The following NARF variants were observed in gnomAD, a reference collection of about 807,000 sequenced individuals.
NARF encodes nuclear prelamin A recognition factor.
A neutral mutation model predicts 48.0 loss-of-function variants in NARF; 41 were observed. The ratio of observed to expected loss-of-function variants is 0.85; its 90% CI spans 0.66 to 1.11. NARF has a LOEUF of 1.11. Among genes scored for constraint, NARF ranks in the 50% least tolerant of loss-of-function variants. The pLI, the probability that NARF is intolerant of heterozygous loss-of-function variation, is 0.00. For missense variants in NARF, 613 were observed against 590.2 expected, an observed-to-expected ratio of 1.04 and a Z score of -0.40; for synonymous variants, 215 against 225.5, an observed-to-expected ratio of 0.95 and a Z score of 0.42.
intron 5 of NARF, among the ~76,000 whole-genome samples, chr17:82,475,667 G>A (rs1309498865): frequency 1.3e-5 from 2 of 152,224 alleles, no homozygotes; most frequent in East Asian, 3.9e-4. Context: ...CCTGCAGCCA[G>A]TGGCTGGAGA....
intron 1 of NARF, chr17:82,459,308 G>A (rs1214044423): frequency 6.5e-6 from 3 of 462,684 alleles, no homozygotes; most frequent in African/African-American, 2.1e-5. Flanking sequence ...CACGCAGGGG[G>A]GTTTTGTAGC....
rs566438518 is a variant in NARF at position 82,489,207 on chromosome 17, C to G, written c.*1050C>G. On this transcript the variant is annotated 3_prime_UTR_variant, in exon 11 of 11. Coordinates refer to ENST00000309794, the MANE Select transcript of NARF (RefSeq NM_012336.4). ...GACCATACTCGGCCCTGGGCCATTC[C>G]TCACAGCCAGTCACCACCCTCCTCC... 92 of 169,592 alleles carry G rather than the reference C, an allele frequency of 5.4e-4. No individual in the cohort carries two copies. The highest frequency in any genetic ancestry group is 2.2e-3 in the African/African-American group (89 of 41,348). The allele number at this position is 169,592 out of a possible 1,614,324, so 10.5% of individuals were successfully genotyped here.
At chr17:82,482,781 CAGTG>C (rs2044002473) in intron 7 of NARF, 1 of 152,058 alleles carries the variant, frequency 6.6e-6, no homozygotes, top group East Asian at 2.0e-4. Flanking sequence ...CTGGGCAACA[CAGTG>C]AGACCTCGTC....
chr17:82,476,338 C>T (rs1487887784), intron 5 of NARF, among the ~76,000 whole-genome samples: 1 of 151,716 alleles, frequency 6.6e-6, no homozygotes, highest in East Asian at 1.9e-4. Flanking sequence ...GACGGGGTTG[C>T]ACCATGTTGG....
At chr17:82,469,360 G>A (rs1045071876) in intron 4 of NARF, among the ~76,000 whole-genome samples, 1 of 152,196 alleles carries the variant, frequency 6.6e-6, no homozygotes, top group African/African-American at 2.4e-5. Context: ...GGAATGAAAG[G>A]TAGAAATTTA....
chr17:82,472,917 GT>G (rs1278988697), intron 5 of NARF, among the ~76,000 whole-genome samples: 1 of 151,900 alleles, frequency 6.6e-6, no homozygotes, highest in African/African-American at 2.4e-5. Context: ...GGCCAGTATG[GT>G]TATTTATTTA....
At chr17:82,483,656 G>T in intron 7 of NARF, 60 bp from the exon 8 acceptor site, 1 of 1,525,312 alleles carries the variant, frequency 6.6e-7, no homozygotes. Context: ...CTCCTGCAGG[G>T]GAAGAAAAGT....
chr17:82,485,918 A>T (rs2044085497), intron 10 of NARF, among the ~76,000 whole-genome samples: 1 of 152,194 alleles, frequency 6.6e-6, no homozygotes, highest in South Asian at 2.1e-4. Flanking sequence ...ACCAGGTGAG[A>T]GTCAGCCCGT....
At chr17:82,458,940 A>G (rs2043357262) in intron 1 of NARF, 110 bp downstream of exon 1, 1 of 1,230,764 alleles carries the variant, frequency 8.1e-7, no homozygotes, top group East Asian at 3.2e-5. Context: ...GGGCTCTTCA[A>G]GGCGCCCCCG....
In NARF at chr17:82,460,025, G is replaced by A. The variant is rs142922828; in HGVS notation, c.61G>A (p.Glu21Lys). 20 of 1,613,940 alleles carry A rather than the reference G, an allele frequency of 1.2e-5. No homozygotes were observed. In the African/African-American group the frequency reaches 2.4e-4, roughly 19 times the overall value. Residue 21 changes from glutamate (E) to lysine (K), a missense_variant, in exon 2 of 11, where the codon GAG (glutamate) becomes AAG (lysine). Coordinates refer to ENST00000309794, the MANE Select transcript of NARF (RefSeq NM_012336.4). Reference sequence around the variant, plus strand: ...TAAGAAAACAAAAACTGATGACCAAGAGAATGTGTCAGCCGATGCACCGAG... The same window carrying A: ...TAAGAAAACAAAAACTGATGACCAAAAGAATGTGTCAGCCGATGCACCGAG... ...CSKKTKTDDQENVSADAPSPA... is the reference protein window; with the variant it reads ...CSKKTKTDDQKNVSADAPSPA...
intron 2 of NARF, among the ~76,000 whole-genome samples, chr17:82,461,818 C>T (rs1006511196): frequency 6.6e-6 from 1 of 152,142 alleles, no homozygotes; most frequent in Non-Finnish European, 1.5e-5. Flanking sequence ...TTTAGTAGTC[C>T]TGACATGTTT....
chr17:82,484,746 G>C, intron 8 of NARF, 67 bp from the exon 9 acceptor site: 1 of 1,501,780 alleles, frequency 6.7e-7, no homozygotes. Context: ...CAGGAAGTCT[G>C]GTTTCACTCT....
intron 3 of NARF, 61 bp downstream of exon 3, chr17:82,464,491 G>T (rs2043514222): frequency 6.4e-7 from 1 of 1,552,594 alleles, no homozygotes; most frequent in South Asian, 1.2e-5. Context: ...TGGAGGTGAG[G>T]CCTGGCTTCC....
intron 8 of NARF, 21 bp downstream of exon 8, chr17:82,483,800 G>T: frequency 2.5e-6 from 4 of 1,611,960 alleles, no homozygotes; most frequent in Non-Finnish European, 3.4e-6. Flanking sequence ...TCTCTGGGGA[G>T]AGTCCTCTGG....
rs781158071 is a variant in NARF at position 82,483,768 on chromosome 17, C to G, written c.822C>G (p.Ala274=). 2 of 1,613,650 alleles carry G rather than the reference C, an allele frequency of 1.2e-6. No individual in the cohort carries two copies. The highest frequency in any genetic ancestry group is 2.2e-5 in the South Asian group (2 of 91,064). Residue 274 remains alanine (A), a synonymous_variant, in exon 8 of 11, where the codon GCC becomes GCG. Coordinates refer to ENST00000309794, the MANE Select transcript of NARF (RefSeq NM_012336.4). ...EQGDLSVRDA[A]VDTLFGDLKE... ...GTGACCTCTCAGTGAGAGATGCTGC[C>G]GTCGACACTCTGTAAGTGGCTTCTC...
intron 5 of NARF, among the ~76,000 whole-genome samples, chr17:82,475,553 C>T (rs1599840359): frequency 6.6e-6 from 1 of 152,188 alleles, no homozygotes; most frequent in Non-Finnish European, 1.5e-5. Flanking sequence ...GCCGTGATTG[C>T]ACCACCGCAC....
intron 2 of NARF, among the ~76,000 whole-genome samples, chr17:82,462,100 G>A (rs1243517916): frequency 2.0e-5 from 3 of 152,320 alleles, no homozygotes; most frequent in Non-Finnish European, 4.4e-5. Context: ...GGGGAGTAGG[G>A]TTACCTCCCT....
At chr17:82,487,544 C>G (rs2044122814) in intron 10 of NARF, among the ~76,000 whole-genome samples, 3 of 152,144 alleles carry the variant, frequency 2.0e-5, no homozygotes, top group Admixed American at 2.0e-4. Context: ...ATCAGTGTCC[C>G]TGACAGCCTT....
chr17:82,460,748 A>G (rs1239886945), intron 2 of NARF: 2 of 152,348 alleles, frequency 1.3e-5, no homozygotes, highest in African/African-American at 4.8e-5. Flanking sequence ...TGGGCAACAG[A>G]GTAAGACTCC....
Sources: allele counts gnomAD v4.1 joint callset (sites outside exome capture counted in the v4.1 genomes callset), GRCh38; gene constraint gnomAD v4.1.1; transcripts MANE v1.5; gene names NCBI Gene and HGNC (gene_info 2026-07-23, HGNC 2026-07-21).